FLT4: variants seen among roughly 807,000 people sequenced by gnomAD.
FLT4 encodes the protein vascular endothelial growth factor receptor 3.
Under a neutral mutation model 163.2 loss-of-function variants are expected in FLT4, and 30 were observed. The observed-to-expected ratio is 0.18, with a 90% confidence interval of 0.14 to 0.25. FLT4 has a LOEUF of 0.25. Among genes scored for constraint, FLT4 ranks in the 10% least tolerant of loss-of-function variants. The pLI is 1.00. For synonymous variants in FLT4, 884 were observed against 789.5 expected, an observed-to-expected ratio of 1.12 and a Z score of -2.01; for missense variants, 1,510 against 1,863.8, an observed-to-expected ratio of 0.81 and a Z score of 3.50.
At chr5:180,641,788 C>T (rs1313227179) in intron 1 of FLT4, among the ~76,000 whole-genome samples, 2 of 152,372 alleles carry the variant, frequency 1.3e-5, no homozygotes, top group Non-Finnish European at 2.9e-5. Context: ...GCACCCCGCA[C>T]TGCCGCTCTT....
intron 8 of FLT4, among the ~76,000 whole-genome samples, chr5:180,628,100 T>C (rs1763777560): frequency 6.6e-6 from 1 of 152,164 alleles, no homozygotes; most frequent in Admixed American, 6.5e-5. Context: ...AAGGAGGCTC[T>C]TGGGCTAGCT....
rs1761543275 is a variant in FLT4, at chr5:180,602,021, T to C, written c.*1171A>G. On this transcript the variant is annotated 3_prime_UTR_variant, in exon 30 of 30. Coordinates refer to ENST00000261937, the MANE Select transcript of FLT4 (RefSeq NM_182925.5). ...GCTGGGATAGGGGTCCTGAGCAGAA[T>C]GCCTCCAGCCTTCAGGGGATCTCTC... is the stretch of plus-strand genomic sequence containing the variant. 4.3e-6 allele frequency: 1 copy of C among 233,300 alleles called. No individual in the cohort carries two copies. The highest frequency in any genetic ancestry group is 5.6e-5 in the Admixed American group (1 of 17,774). The allele number at this position is 233,300 out of a possible 1,614,324, so 14.5% of individuals were successfully genotyped here. A position where few individuals can be genotyped will look rare whatever the true frequency, so the allele number is the denominator to read the frequency against.
chr5:180,610,816 G>A (rs1341379020), intron 27 of FLT4, among the ~76,000 whole-genome samples: 1 of 152,240 alleles, frequency 6.6e-6, no homozygotes, highest in East Asian at 1.9e-4. Context: ...CCAGCACTTT[G>A]GGAGGCCGAG....
rs564190217 is a variant in FLT4, at chr5:180,601,586, C to G, written c.*1606G>C. 1 of 233,236 alleles carries G rather than the reference C, an allele frequency of 4.3e-6. No individual in the cohort carries two copies. The highest frequency in any genetic ancestry group is 5.6e-5 in the Admixed American group (1 of 17,790). The allele number at this position is 233,236 out of a possible 1,614,324, so 14.4% of individuals were successfully genotyped here. Reference sequence around the variant, plus strand: ...TTTCGATCTTTTCTCAGAACATGGTCTAGAAGGGCATAGTAGTTTTTTTCC... The same window carrying G: ...TTTCGATCTTTTCTCAGAACATGGTGTAGAAGGGCATAGTAGTTTTTTTCC... On this transcript the variant is annotated 3_prime_UTR_variant, in exon 30 of 30. Transcript: ENST00000261937.
intron 7 of FLT4, 64 bp from the exon 8 acceptor site, chr5:180,629,063 C>A: frequency 6.7e-7 from 1 of 1,482,426 alleles, no homozygotes; most frequent in Non-Finnish European, 9.4e-7. Context: ...CCAGGGACTC[C>A]CCCCACGGCC....
intron 29 of FLT4, among the ~76,000 whole-genome samples, chr5:180,606,117 G>C (rs753037416): frequency 6.6e-6 from 1 of 152,200 alleles, no homozygotes; most frequent in Non-Finnish European, 1.5e-5. Context: ...TGTCGACAGA[G>C]GACAAAGAAC....
In FLT4 at chr5:180,626,141, G is replaced by A. The variant is rs907068772; in HGVS notation, c.1228C>T (p.Arg410Cys). 5.6e-5 allele frequency: 90 copies of A among 1,612,730 alleles called. No individual in the cohort carries two copies. The highest frequency in any genetic ancestry group is 7.3e-5 in the Non-Finnish European group (86 of 1,180,026). The change falls in exon 9 of 30, where the codon CGC (arginine) becomes TGC (cysteine). Residue 410 changes from arginine to cysteine, a missense_variant. Physicochemically the swap from Arg to Cys is radical, Grantham distance 180. Transcript: ENST00000261937. ...ACCACCAGCTCCAGGCTGATGTTGC[G>A]CCTCAGGCCAGCAGCGGAGTTCCAC... ...ALWNSAAGLR[R>C]NISLELVVNV...
intron 1 of FLT4, among the ~76,000 whole-genome samples, chr5:180,632,229 G>T (rs962237260): frequency 1.3e-4 from 18 of 139,200 alleles, no homozygotes; most frequent in African/African-American, 4.2e-4. Context: ...GGTCCTCCCC[G>T]AACCACGCAG....
In FLT4 at chr5:180,616,478, T is replaced by A. The variant is rs776009030; in HGVS notation, c.3108A>T (p.Arg1036Ser). 10 of 1,613,818 alleles carry A rather than the reference T, an allele frequency of 6.2e-6. No homozygotes were observed. The highest frequency in any genetic ancestry group is 8.5e-6 in the Non-Finnish European group (10 of 1,179,986). The change falls in exon 23 of 30, where the codon AGA becomes AGT. Residue 1036 changes from arginine to serine, a missense_variant. Coordinates refer to ENST00000261937, the MANE Select transcript of FLT4 (RefSeq NM_182925.5). Reference protein sequence around the residue: ...EFLASRKCIHRDLAARNILLS... With the variant: ...EFLASRKCIHSDLAARNILLS... The stretch of plus-strand genomic sequence containing the variant: ...GCAGAATGTTCCGAGCAGCCAGGTC[T>A]CTGTGGATGCACTGGGGTGCGGGGA...
Position 180,640,622 on chromosome 5 carries a change from T to G in FLT4, c.59-8844A>C, listed in dbSNP as rs570462092. Among the ~76,000 whole-genome samples, 39 of 152,302 alleles carry G rather than the reference T, an allele frequency of 2.6e-4. 1 individual carries two copies. In the South Asian group the frequency reaches 7.9e-3, roughly 31 times the overall value. ...AAAGCCCTTTAAGCTAATGATGCCG[T>G]TTTTTTCAAAAGCTTCTTTCCTGAA... On this transcript the variant is annotated intron_variant, in intron 1 of 29. Transcript: ENST00000261937.
chr5:180,611,583 G>A (rs415542), intron 26 of FLT4, 104 bp from the exon 27 acceptor site: 17 of 1,049,674 alleles, frequency 1.6e-5, no homozygotes, highest in South Asian at 4.8e-5. Flanking sequence ...CCTCACCCCC[G>A]CCCTCAGCCC....
chr5:180,632,700 ATGTC>A (rs1312441369), intron 1 of FLT4, among the ~76,000 whole-genome samples: 93 of 151,700 alleles, frequency 6.1e-4, no homozygotes, highest in African/African-American at 2.0e-3. Context: ...GTGTGTGCCT[ATGTC>A]TGAGTGGTGT....
chr5:180,625,084 C>T (rs1763496035), intron 10 of FLT4, among the ~76,000 whole-genome samples: 1 of 152,248 alleles, frequency 6.6e-6, no homozygotes, highest in Admixed American at 6.5e-5. Flanking sequence ...ACCAGAGCCA[C>T]AGCCAGTGGG....
chr5:180,621,606 C>T lies in FLT4; in HGVS notation c.1956G>A (p.Val652=), dbSNP rs2127816570. 1 of 1,608,512 alleles carries T rather than the reference C, an allele frequency of 6.2e-7. No individual in the cohort carries two copies. Among genetic ancestry groups the T allele is most frequent in the South Asian group, 1.1e-5 (1 of 90,834 alleles). The part of the protein sequence containing the change: ...RVAPEHEGHY[V]CEVQDRRSHD... ...GGCTGCGCCGGTCTTGCACTTCGCA[C>T]ACATAGTGGCCCTCGTGCTCGGGCG... is the stretch of plus-strand genomic sequence containing the variant. Residue 652 remains valine, a synonymous_variant, in exon 13 of 30, where the codon GTG becomes GTA. Transcript: ENST00000261937.
At position 180,630,359 on chromosome 5, in the gene FLT4, T is replaced by C. The variant is rs1319872995; in HGVS notation, c.401-22A>G. 3 of 1,600,144 alleles carry C rather than the reference T, an allele frequency of 1.9e-6. No individual in the cohort carries two copies. Among genetic ancestry groups the C allele is most frequent in the Non-Finnish European group, 2.6e-6 (3 of 1,175,252 alleles). ...AAGTCTATGGAGAGGGAGCAAGCTGTTGGGGAAGGGACGTGGCGGCCAGGC... is the reference window on the plus strand; with the variant it reads ...AAGTCTATGGAGAGGGAGCAAGCTGCTGGGGAAGGGACGTGGCGGCCAGGC... On this transcript the variant is annotated intron_variant, in intron 3 of 29. Coordinates refer to ENST00000261937, the MANE Select transcript of FLT4 (RefSeq NM_182925.5). The surrounding 1 kb of genome is among the most constrained non-coding windows in gnomAD (Gnocchi z 6.3).
At chr5:180,606,272 C>A (rs1235789166) in intron 29 of FLT4, among the ~76,000 whole-genome samples, 1 of 152,252 alleles carries the variant, frequency 6.6e-6, no homozygotes, top group Non-Finnish European at 1.5e-5. Context: ...CACCAAGCAT[C>A]CAAGGGGCTG....
At chr5:180,627,751 G>T (rs1435239239) in intron 8 of FLT4, among the ~76,000 whole-genome samples, 1 of 152,220 alleles carries the variant, frequency 6.6e-6, no homozygotes, top group African/African-American at 2.4e-5. Flanking sequence ...CACCTGCCCA[G>T]AGCAGGCTCA....
chr5:180,628,021 C>A (rs1763771166), intron 8 of FLT4, among the ~76,000 whole-genome samples: 1 of 152,144 alleles, frequency 6.6e-6, no homozygotes, highest in Admixed American at 6.5e-5. Flanking sequence ...CTGAGGAAAC[C>A]CTGGGCCTCT....
rs779904618 is a variant in FLT4 at position 180,630,141 on chromosome 5, C to T, written c.514-36G>A. The T allele has an allele frequency of 6.2e-7, 1 of 1,612,546 alleles. No homozygotes were observed. Among genetic ancestry groups the T allele is most frequent in the Admixed American group, 1.7e-5 (1 of 59,996 alleles). ...AAGGCCACCATCATTGCCCAGCTGC[C>T]CCTTGCTCCTGGCCAGACAGGCGGC... On this transcript the variant is annotated intron_variant, in intron 4 of 29. Coordinates refer to ENST00000261937, the MANE Select transcript of FLT4 (RefSeq NM_182925.5). The surrounding 1 kb of genome is among the most constrained non-coding windows in gnomAD (Gnocchi z 6.3).
Sources: gnomAD v4.1 joint callset for allele counts (sites outside exome capture counted in the v4.1 genomes callset) on GRCh38, gnomAD v4.1.1 for gene constraint, Gnocchi (gnomAD v3.1) non-coding constraint, MANE v1.5 for transcripts, NCBI Gene and HGNC (gene_info 2026-07-23, HGNC 2026-07-21) for gene names.